ERCC6: variants seen among roughly 807,000 people sequenced by gnomAD.
The protein encoded by ERCC6 is DNA excision repair protein ERCC-6.
ERCC6 carries 116 observed loss-of-function variants against 158.7 expected under a neutral mutation model. The ratio of observed to expected loss-of-function variants is 0.73; its 90% CI spans 0.63 to 0.85. ERCC6 has a LOEUF of 0.85. Ranked by LOEUF, ERCC6 falls within the 40% of genes least tolerant of loss-of-function variation. The probability of loss-of-function intolerance (pLI) is 0.00; values close to 1 mark genes in which losing one functional copy is unlikely to be tolerated. For synonymous variants in ERCC6, 678 were observed against 659.3 expected, an observed-to-expected ratio of 1.03 and a Z score of -0.43; for missense variants, 1,698 against 1,799.4, an observed-to-expected ratio of 0.94 and a Z score of 1.02.
intron 7 of ERCC6, among the ~76,000 whole-genome samples, chr10:49,495,991 G>A (rs993958957): frequency 6.6e-6 from 1 of 152,188 alleles, no homozygotes; most frequent in African/African-American, 2.4e-5. Context: ...ACGAGGCCAC[G>A]AAGACTGACC....
chr10:49,516,072 T>TGGTA (rs1347687066), intron 5 of ERCC6: 1 of 1,614,012 alleles, frequency 6.2e-7, no homozygotes, highest in East Asian at 2.2e-5. Flanking sequence ...GAATACAAAA[T>TGGTA]GGTATTGTCC....
intron 1 of ERCC6, among the ~76,000 whole-genome samples, chr10:49,536,616 T>C (rs1837605133): frequency 6.6e-6 from 1 of 152,114 alleles, no homozygotes; most frequent in Non-Finnish European, 1.5e-5. Context: ...CTGGAATAAA[T>C]GTCCTGTACA....
chr10:49,519,323 C>T (rs888226043), intron 5 of ERCC6, among the ~76,000 whole-genome samples: 1 of 152,110 alleles, frequency 6.6e-6, no homozygotes, highest in Non-Finnish European at 1.5e-5. Context: ...ACTGGAGGGG[C>T]CGTGATTATA....
chr10:49,516,034 G>T (rs747060703), intron 5 of ERCC6: 1 of 1,614,120 alleles, frequency 6.2e-7, no homozygotes, highest in South Asian at 1.1e-5. Flanking sequence ...AGCTTATCAA[G>T]AAGTGCAATA....
chr10:49,526,811 C>T (rs935427911), intron 4 of ERCC6, among the ~76,000 whole-genome samples: 5 of 152,012 alleles, frequency 3.3e-5, no homozygotes, highest in Admixed American at 3.3e-4. Flanking sequence ...GGCTGGTGTC[C>T]AGACGGAGAG....
intron 15 of ERCC6, chr10:49,472,688 T>A (rs1850802356): frequency 1.4e-6 from 1 of 738,744 alleles, no homozygotes; most frequent in Non-Finnish European, 2.2e-6. Flanking sequence ...TATGTTCTTT[T>A]TACCCCAACT....
chr10:49,449,839 C>G (rs528867044), downstream of ERCC6, among the ~76,000 whole-genome samples: 1 of 151,620 alleles, frequency 6.6e-6, no homozygotes, highest in African/African-American at 2.4e-5. Flanking sequence ...CGTGAGCCAC[C>G]GCGCCTGGCC....
In ERCC6 at chr10:49,474,122, A is replaced by G; in HGVS notation, c.2503T>C (p.Trp835Arg). Reference protein sequence around the residue: ...DELEEDQFGYWKRSGKMIVVE... With the variant: ...DELEEDQFGYRKRSGKMIVVE... ...ACAATCATTTTCCCAGAACGTTTCCAGTACCCAAACTGATCTTCTTCTAGT... is the reference window on the plus strand; with the variant it reads ...ACAATCATTTTCCCAGAACGTTTCCGGTACCCAAACTGATCTTCTTCTAGT... Residue 835 changes from tryptophan (W) to arginine (R), a missense_variant, in exon 13 of 21, where the codon TGG (tryptophan) becomes CGG (arginine). By Grantham distance (101) the Trp-to-Arg change is moderately radical. Coordinates refer to ENST00000355832, the MANE Select transcript of ERCC6 (RefSeq NM_000124.4). 6.2e-7 allele frequency: 1 copy of G among 1,614,186 alleles called. No individual in the cohort carries two copies. Among genetic ancestry groups the G allele is most frequent in the African/African-American group, 1.3e-5 (1 of 75,060 alleles).
Position 49,470,841 on chromosome 10 carries a change from A to T in ERCC6, c.3119T>A (p.Ile1040Asn), listed in dbSNP as rs778197774. 1.9e-6 allele frequency: 3 copies of T among 1,614,084 alleles called. No individual in the cohort carries two copies. The highest frequency in any genetic ancestry group is 2.5e-6 in the Non-Finnish European group (3 of 1,179,996). ...ATGGTCTGCTCCAAAGGCTGGTTGA[A>T]TCCTTCTTTTTAGATGGCATTTGGG... ...QTPKCHLKRR[I>N]QPAFGADHDV... is the part of the protein sequence containing the mutation. The change falls in exon 18 of 21, where the codon ATT becomes AAT. Residue 1040 changes from isoleucine to asparagine, a missense_variant. Transcript: ENST00000355832.
At chr10:49,462,118 C>T (rs1438205060) in intron 18 of ERCC6, among the ~76,000 whole-genome samples, 1 of 152,132 alleles carries the variant, frequency 6.6e-6, no homozygotes, top group African/African-American at 2.4e-5. Context: ...CAAAGTAACA[C>T]CCTATTGGAC....
intron 18 of ERCC6, among the ~76,000 whole-genome samples, chr10:49,466,100 A>G (rs1180187509): frequency 6.6e-6 from 1 of 152,190 alleles, no homozygotes; most frequent in African/African-American, 2.4e-5. Flanking sequence ...AAATAAATTA[A>G]CCTAACTGTA....
chr10:49,495,585 C>T (rs1851253522), intron 7 of ERCC6, among the ~76,000 whole-genome samples: 1 of 152,084 alleles, frequency 6.6e-6, no homozygotes, highest in Non-Finnish European at 1.5e-5. Context: ...AATCTCACTG[C>T]CGATATCCCC....
At chr10:49,493,908 C>T (rs1851220362) in intron 7 of ERCC6, among the ~76,000 whole-genome samples, 1 of 152,222 alleles carries the variant, frequency 6.6e-6, no homozygotes, top group Admixed American at 6.5e-5. Context: ...CCTGGGAAGC[C>T]CACACCGACA....
In ERCC6 at chr10:49,505,975, G is replaced by A. The variant is rs61749175; in HGVS notation, c.1435C>T (p.Arg479Cys). ...NKLRLQDKEK[R>C]LKLEDDSEES... Reference sequence around the variant, plus strand: ...TCAGAATCGTCCTCCAGCTTCAGACGTTTCTCTTTGTCCTGCAGTCTCAGT... The same window carrying A: ...TCAGAATCGTCCTCCAGCTTCAGACATTTCTCTTTGTCCTGCAGTCTCAGT... Residue 479 changes from arginine (R) to cysteine (C), a missense_variant, in exon 6 of 21, where the codon CGT becomes TGT. By Grantham distance (180) the Arg-to-Cys change is radical (BLOSUM62 -3). Coordinates refer to ENST00000355832, the MANE Select transcript of ERCC6 (RefSeq NM_000124.4). The A allele has an allele frequency of 2.0e-4, 316 of 1,613,340 alleles. No homozygotes were observed. The highest frequency in any genetic ancestry group is 8.0e-4 in the African/African-American group (60 of 74,990).
At position 49,474,092 on chromosome 10, in the gene ERCC6, C is replaced by G. The variant is rs758410428; in HGVS notation, c.2533G>C (p.Glu845Gln). The change falls in exon 13 of 21, where the codon GAG becomes CAG. Residue 845 changes from glutamate to glutamine, a missense_variant. Transcript: ENST00000355832. ...WKRSGKMIVV[E>Q]SLLKIWHKQG... Reference sequence around the variant, plus strand: ...TTGTGCCATATTTTCAACAAAGACTCAACAACAATCATTTTCCCAGAACGT... The same window carrying G: ...TTGTGCCATATTTTCAACAAAGACTGAACAACAATCATTTTCCCAGAACGT... 1.2e-6 allele frequency: 2 copies of G among 1,614,038 alleles called. No homozygotes were observed. Among genetic ancestry groups the G allele is most frequent in the South Asian group, 1.1e-5 (1 of 91,090 alleles).
At chr10:49,500,137 T>C (rs1353076515) in intron 7 of ERCC6, among the ~76,000 whole-genome samples, 1 of 152,226 alleles carries the variant, frequency 6.6e-6, no homozygotes, top group East Asian at 1.9e-4. Flanking sequence ...AGAACAAATA[T>C]TTTAATGTAA....
At chr10:49,523,870 G>A (rs1299208157) in intron 5 of ERCC6, among the ~76,000 whole-genome samples, 163 bp downstream of exon 5, 1 of 151,578 alleles carries the variant, frequency 6.6e-6, no homozygotes, top group Non-Finnish European at 1.5e-5. Flanking sequence ...AAGGACTCAG[G>A]GGCCCCACTG....
In ERCC6 at chr10:49,461,565, A is replaced by T. The variant is rs749555462; in HGVS notation, c.3779-9T>A. 38 of 1,609,834 alleles carry T rather than the reference A, an allele frequency of 2.4e-5. No homozygotes were observed. Among genetic ancestry groups the T allele is most frequent in the Non-Finnish European group, 3.0e-5 (35 of 1,177,890 alleles). On this transcript the variant is annotated splice_polypyrimidine_tract_variant and intron_variant, in intron 18 of 20. Coordinates refer to ENST00000355832, the MANE Select transcript of ERCC6 (RefSeq NM_000124.4). ...GACACTGTGCACGCCAACTAGCAAG[A>T]AAAGAAATAGCAAAGTGATATTTCA...
the ERCC6 span, among the ~76,000 whole-genome samples, chr10:49,447,585 G>C: frequency 6.6e-6 from 1 of 152,012 alleles, no homozygotes; most frequent in Non-Finnish European, 1.5e-5. Flanking sequence ...CAGCTACTTG[G>C]GAGGCTGAGG....
Sources: gnomAD v4.1 joint callset for allele counts (sites outside exome capture counted in the v4.1 genomes callset) on GRCh38, gnomAD v4.1.1 for gene constraint, MANE v1.5 for transcripts, NCBI Gene and HGNC (gene_info 2026-07-23, HGNC 2026-07-21) for gene names.